ADGRD1: variants seen among roughly 807,000 people sequenced by gnomAD.
ADGRD1 encodes G-protein coupled receptor 133.
A neutral mutation model predicts 113.4 loss-of-function variants in ADGRD1; 77 were observed. The observed-to-expected ratio is 0.68, with a 90% CI of 0.57 to 0.82. ADGRD1 has a LOEUF of 0.82. Among genes scored for constraint, ADGRD1 ranks in the 40% least tolerant of loss-of-function variants. The pLI is 0.00. For synonymous variants in ADGRD1, 474 were observed against 475.0 expected, an observed-to-expected ratio of 1.00 and a Z score of 0.03; for missense variants, 1,036 against 1,139.1, an observed-to-expected ratio of 0.91 and a Z score of 1.30.
chr12:130,960,058 C>A (rs1378875058), intron 2 of ADGRD1, among the ~76,000 whole-genome samples: 2 of 152,174 alleles, frequency 1.3e-5, no homozygotes, highest in African/African-American at 4.8e-5. Context: ...CAGGGGACAG[C>A]CTTATGAAGC....
chr12:131,052,224 G>A (rs940175002), intron 13 of ADGRD1, among the ~76,000 whole-genome samples: 6 of 152,168 alleles, frequency 3.9e-5, no homozygotes, highest in African/African-American at 1.2e-4. Context: ...TGGGCTGTGC[G>A]AGCCACTCCC....
At position 131,129,272 on chromosome 12, in the gene ADGRD1, G is replaced by A. The variant is rs185763352; in HGVS notation, c.2176-2453G>A. ...GCTGTCTGGGTGTGAGTGACAGGCC[G>A]GCCCTCCTGTCTGGGTGTGAGTGGC... On this transcript the variant is annotated intron_variant, in intron 20 of 24. Coordinates refer to ENST00000261654, the MANE Select transcript of ADGRD1 (RefSeq NM_198827.5). Among the ~76,000 whole-genome samples, 209 of 95,490 alleles carry A rather than the reference G, an allele frequency of 2.2e-3. 1 individual carries two copies. Among genetic ancestry groups the A allele is most frequent in the Admixed American group, 3.9e-3 (33 of 8,528 alleles). The allele number at this position is 95,490 out of a possible 152,430, so 62.6% of individuals were successfully genotyped here.
chr12:131,056,155 A>AT (rs1293169268), intron 13 of ADGRD1, among the ~76,000 whole-genome samples: 3 of 152,068 alleles, frequency 2.0e-5, no homozygotes, highest in African/African-American at 4.8e-5. Context: ...TGAAAATATT[A>AT]TTTTTTTCCT....
chr12:131,120,200 G>T (rs1270044054), intron 19 of ADGRD1, among the ~76,000 whole-genome samples: 1 of 152,162 alleles, frequency 6.6e-6, no homozygotes, highest in East Asian at 1.9e-4. Context: ...CAGGTCCTTG[G>T]GAAACAGTGT....
At chr12:131,065,741 G>T (rs1884673519) in intron 13 of ADGRD1, among the ~76,000 whole-genome samples, 1 of 151,946 alleles carries the variant, frequency 6.6e-6, no homozygotes, top group Non-Finnish European at 1.5e-5. Flanking sequence ...TGCGCATGAA[G>T]GAGAGGGGGT....
chr12:131,120,747 G>A (rs1475054028), intron 19 of ADGRD1, 100 bp from the exon 20 acceptor site: 11 of 1,135,050 alleles, frequency 9.7e-6, no homozygotes, highest in Non-Finnish European at 1.3e-5. Flanking sequence ...GGTGGACCCT[G>A]TAGCTGAGAA....
intron 20 of ADGRD1, among the ~76,000 whole-genome samples, chr12:131,129,238 G>C (rs1206173106): frequency 2.0e-4 from 23 of 113,176 alleles, no homozygotes; most frequent in Admixed American, 4.5e-4. Context: ...TGAGTGACAG[G>C]CCCGCCCTGC....
intron 13 of ADGRD1, among the ~76,000 whole-genome samples, chr12:131,043,979 C>T (rs1405831353): frequency 2.0e-5 from 3 of 152,122 alleles, no homozygotes; most frequent in Non-Finnish European, 4.4e-5. Context: ...TTGGCCGGGC[C>T]ACTAGAGGTT....
chr12:131,140,032 G>C lies in ADGRD1; in HGVS notation c.*769G>C, dbSNP rs1354609979. The stretch of plus-strand genomic sequence containing the variant: ...TGCCTGTGCTTGGGGGAGCTTCTCG[G>C]CCATCCGCTGTGAGTTTTGCCTCTT... On this transcript the variant is annotated 3_prime_UTR_variant, in exon 25 of 25. Coordinates refer to ENST00000261654, the MANE Select transcript of ADGRD1 (RefSeq NM_198827.5). The C allele has an allele frequency of 6.6e-6, 1 of 152,454 alleles. No homozygotes were observed. The highest frequency in any genetic ancestry group is 2.4e-5 in the African/African-American group (1 of 41,470). The allele number at this position is 152,454 out of a possible 1,614,324, so 9.4% of individuals were successfully genotyped here.
intron 20 of ADGRD1, among the ~76,000 whole-genome samples, chr12:131,123,039 G>GTTTTTTTTTTTTTTTTTTTTTTTT (rs552353187): frequency 3.3e-4 from 17 of 51,370 alleles, no homozygotes; most frequent in Admixed American, 1.0e-3. Flanking sequence ...TACCTGGGGA[G>GTTTTTTTTTTTTTTTTTTTTTTTT]TTTTTTTTTT....
rs761685448 is a variant in ADGRD1, at chr12:131,084,575, C to T, written c.1583C>T (p.Ala528Val). The T allele has an allele frequency of 5.0e-6, 8 of 1,613,960 alleles. No individual in the cohort carries two copies. Among genetic ancestry groups the T allele is most frequent in the South Asian group, 1.1e-5 (1 of 91,088 alleles). ...GGGGTCTGGTCGAACCACGGCTGTG[C>T]GCTCACGAGAGGAAACCTCACCTAC... ...GEGVWSNHGC[A>V]LTRGNLTYSV... The change falls in exon 15 of 25, where the codon GCG becomes GTG. Residue 528 changes from alanine to valine, a missense_variant. Physicochemically the swap from Ala to Val is moderately conservative, Grantham distance 64. Coordinates refer to ENST00000261654, the MANE Select transcript of ADGRD1 (RefSeq NM_198827.5). The surrounding 1 kb of genome is among the most constrained non-coding windows in gnomAD (Gnocchi z 4.5).
rs114407926 is a variant in ADGRD1, at chr12:130,966,575, T to C, written c.187+29T>C. 1 of 1,429,588 alleles carries C rather than the reference T, an allele frequency of 7.0e-7. No individual in the cohort carries two copies. The highest frequency in any genetic ancestry group is 9.9e-7 in the Non-Finnish European group (1 of 1,012,070). The allele number at this position is 1,429,588 out of a possible 1,614,324, so 88.6% of individuals were successfully genotyped here. A position where few individuals can be genotyped will look rare whatever the true frequency, so the allele number is the denominator to read the frequency against. ...GAGACGCGGGTGCTGAGAGCGGCTGTGGGCGCGGGAATCCCAGGGCCATCA... is the reference window on the plus strand; with the variant it reads ...GAGACGCGGGTGCTGAGAGCGGCTGCGGGCGCGGGAATCCCAGGGCCATCA... On this transcript the variant is annotated intron_variant, in intron 3 of 24. Coordinates refer to ENST00000261654, the MANE Select transcript of ADGRD1 (RefSeq NM_198827.5). The surrounding 1 kb of genome is among the most constrained non-coding windows in gnomAD (Gnocchi z 4.6).
intron 4 of ADGRD1, among the ~76,000 whole-genome samples, chr12:130,975,891 T>TG (rs1872247460): frequency 6.6e-6 from 1 of 152,206 alleles, no homozygotes; most frequent in South Asian, 2.1e-4. Flanking sequence ...TGAATGGCTT[T>TG]GGCAGCTCCT....
chr12:131,118,319 G>A (rs1950514534), intron 18 of ADGRD1, 66 bp from the exon 19 acceptor site: 1 of 1,119,766 alleles, frequency 8.9e-7, no homozygotes, highest in Admixed American at 1.9e-5. Flanking sequence ...AGGGAGGGAT[G>A]GGGGAGGCGG....
chr12:131,009,195 G>T (rs535215319), intron 12 of ADGRD1, among the ~76,000 whole-genome samples: 3 of 152,234 alleles, frequency 2.0e-5, no homozygotes, highest in African/African-American at 7.2e-5. Context: ...TTGCTGTCAC[G>T]TCATGGGAGA....
rs560120719 is a variant in ADGRD1, at chr12:131,031,530, C to T, written c.1473+17190C>T. On this transcript the variant is annotated intron_variant, in intron 13 of 24. Transcript: ENST00000261654. ...CACAGCTTCTCAGATTTGCGTTTGT[C>T]GGTGGTTTTCCCAAGGTTCCAGGAT... 5.3e-5 allele frequency among the ~76,000 whole-genome samples: 8 copies of T among 152,238 alleles called. No individual in the cohort carries two copies. The East Asian group carries it at 7.7e-4, about 15-fold the overall frequency.
chr12:131,098,170 G>GGTGGCCGCTGTCTGGGCTGCCT (rs1566107473), intron 15 of ADGRD1, among the ~76,000 whole-genome samples: 4 of 120,910 alleles, frequency 3.3e-5, no homozygotes, highest in Non-Finnish European at 3.5e-5. Flanking sequence ...TCCTTCTCCC[G>GGTGGCCGCTGTCTGGGCTGCCT]CAGTGGCTGC....
At position 131,104,752 on chromosome 12, in the gene ADGRD1, C is replaced by T. The variant is rs151082635; in HGVS notation, c.1672-79C>T. 3.1e-5 allele frequency: 29 copies of T among 925,440 alleles called. No individual in the cohort carries two copies. In the African/African-American group the frequency reaches 4.1e-4, roughly 13 times the overall value. The allele number at this position is 925,440 out of a possible 1,614,324, so 57.3% of individuals were successfully genotyped here. A position where few individuals can be genotyped will look rare whatever the true frequency, so the allele number is the denominator to read the frequency against. The stretch of plus-strand genomic sequence containing the variant: ...CACTCACAGGGGACCAGCTGTGCAC[C>T]CACCTGGGCCCTCTGCAGCTTCAGG... On this transcript the variant is annotated intron_variant, in intron 15 of 24. Transcript: ENST00000261654.
Position 130,954,362 on chromosome 12 carries a change from CTGTGAAAA to C in ADGRD1, c.-100_-93del. ...AGACAGAAATTTTCTCCCCTGGAAC[CTGTGAAAA>C]TGTCCCTTTTCCAAGGAAGTGAAGG... is the stretch of plus-strand genomic sequence containing the variant. On this transcript the variant is annotated 5_prime_UTR_variant, in exon 1 of 25. An upstream start codon of the reference 5' UTR is lost. Coordinates refer to ENST00000261654, the MANE Select transcript of ADGRD1 (RefSeq NM_198827.5). This position sits in a 1 kb window ranked among gnomAD's most constrained non-coding sequence, Gnocchi z 4.7. 9.8e-7 allele frequency: 1 copy of C among 1,021,796 alleles called. No homozygotes were observed. The highest frequency in any genetic ancestry group is 1.4e-6 in the Non-Finnish European group (1 of 696,982). The allele number at this position is 1,021,796 out of a possible 1,614,324, so 63.3% of individuals were successfully genotyped here.
Sources: gnomAD v4.1 joint callset for allele counts (sites outside exome capture counted in the v4.1 genomes callset) on GRCh38, gnomAD v4.1.1 for gene constraint, Gnocchi (gnomAD v3.1) non-coding constraint, MANE v1.5 for transcripts, NCBI Gene and HGNC (gene_info 2026-07-23, HGNC 2026-07-21) for gene names.